USP31: variants seen among roughly 807,000 people sequenced by gnomAD.
USP31 encodes the protein ubiquitin specific peptidase 31, also known as ubiquitin carboxyl-terminal hydrolase 31.
A neutral mutation model predicts 119.4 loss-of-function variants in USP31; 44 were observed. The observed-to-expected ratio is 0.37, with a 90% CI of 0.29 to 0.47. The LOEUF is 0.47. USP31 is among the 20% of genes least tolerant of loss of function. The pLI is 0.99. For synonymous variants in USP31, 749 were observed against 705.6 expected (o/e 1.06, Z -0.97); for missense variants, 1,643 against 1,730.2 (o/e 0.95, Z 0.89).
chr16:23,069,108 G>A lies in USP31; in HGVS notation c.2997C>T (p.Asp999=). 6.2e-7 allele frequency: 1 copy of A among 1,612,992 alleles called. No individual in the cohort carries two copies. Among genetic ancestry groups the A allele is most frequent in the Non-Finnish European group, 8.5e-7 (1 of 1,180,030 alleles). ...CTTTCACCTCTTTGACTGGAGAGCTGTCTACGGAGTCGCTCTGATCCACAT... is the reference window on the plus strand; with the variant it reads ...CTTTCACCTCTTTGACTGGAGAGCTATCTACGGAGTCGCTCTGATCCACAT... ...IAYVDQSDSV[D]SSPVKEVKAP... Residue 999 remains aspartate, a synonymous_variant, in exon 16 of 16, where the codon GAC becomes GAT. Transcript: ENST00000219689.
At chr16:23,130,973 C>T (rs1446212609) in intron 1 of USP31, among the ~76,000 whole-genome samples, 1 of 152,110 alleles carries the variant, frequency 6.6e-6, no homozygotes, top group African/African-American at 2.4e-5. Context: ...TCTTAACGGA[C>T]CTGCATTCTC....
chr16:23,108,362 C>A (rs1902193759), intron 1 of USP31, among the ~76,000 whole-genome samples, 179 bp from the exon 2 acceptor site: 1 of 152,078 alleles, frequency 6.6e-6, no homozygotes, highest in Admixed American at 6.5e-5. Context: ...AAACATGTAC[C>A]AGAACCCTTA....
chr16:23,141,940 A>G (rs1903364829), intron 1 of USP31, among the ~76,000 whole-genome samples: 1 of 152,150 alleles, frequency 6.6e-6, no homozygotes, highest in South Asian at 2.1e-4. Flanking sequence ...ACTTTCATAC[A>G]CAATGATCTC....
intron 6 of USP31, among the ~76,000 whole-genome samples, chr16:23,092,772 T>A (rs1901425383): frequency 2.6e-5 from 4 of 152,056 alleles, no homozygotes. Context: ...CAGAGAAAAC[T>A]GAATTGTAAG....
chr16:23,080,256 C>T, intron 12 of USP31, 85 bp from the exon 13 acceptor site: 1 of 1,211,684 alleles, frequency 8.3e-7, no homozygotes. Context: ...TGGATCCTAT[C>T]AGACAAAGCG....
rs372523002 is a variant in USP31, at chr16:23,068,958, C to T, written c.3147G>A (p.Gln1049=). 1 of 1,614,180 alleles carries T rather than the reference C, an allele frequency of 6.2e-7. No homozygotes were observed. The highest frequency in any genetic ancestry group is 1.1e-5 in the South Asian group (1 of 91,080). Reference sequence around the variant, plus strand: ...GGGATGTACTTGAAAGGGATGACTCCTGGCTTGCCAAGGCTGGTCTCCCCT... The same window carrying T: ...GGGATGTACTTGAAAGGGATGACTCTTGGCTTGCCAAGGCTGGTCTCCCCT... ...LRKGRPALAS[Q]ESSLSSTSPS... is the part of the protein sequence containing the mutation. Residue 1049 remains glutamine, a synonymous_variant, in exon 16 of 16, where the codon CAG becomes CAA. Transcript: ENST00000219689.
chr16:23,141,293 C>T (rs780584380), intron 1 of USP31, among the ~76,000 whole-genome samples: 11 of 152,328 alleles, frequency 7.2e-5, no homozygotes, highest in Middle Eastern at 3.4e-3. Flanking sequence ...CCAACTATAG[C>T]GCCTTCTGCA....
chr16:23,131,880 C>T (rs191452510), intron 1 of USP31, among the ~76,000 whole-genome samples: 5 of 152,168 alleles, frequency 3.3e-5, no homozygotes, highest in Admixed American at 3.3e-4. Context: ...AAAACATATA[C>T]TGAGCTAGTG....
At chr16:23,146,195 T>C (rs1231409916) in intron 1 of USP31, among the ~76,000 whole-genome samples, 2 of 133,730 alleles carry the variant, frequency 1.5e-5, no homozygotes, top group African/African-American at 5.7e-5. Context: ...ACAAATGCTG[T>C]GGCTACTTAC....
chr16:23,079,908 C>T, intron 13 of USP31, 38 bp downstream of exon 13: 1 of 1,523,782 alleles, frequency 6.6e-7, no homozygotes, highest in Non-Finnish European at 8.8e-7. Context: ...GTCTGAAGGA[C>T]TCGCCAGCAC....
chr16:23,113,450 C>A (rs1390960476), intron 1 of USP31, among the ~76,000 whole-genome samples: 2 of 152,010 alleles, frequency 1.3e-5, no homozygotes, highest in Non-Finnish European at 2.9e-5. Flanking sequence ...GAGGTGGCAG[C>A]CAGGAGAGAG....
At chr16:23,141,259 T>C (rs1236011670) in intron 1 of USP31, among the ~76,000 whole-genome samples, 3 of 152,300 alleles carry the variant, frequency 2.0e-5, no homozygotes, top group Non-Finnish European at 4.4e-5. Context: ...TCTGTCAGAC[T>C]TTCAAGTGTA....
intron 5 of USP31, among the ~76,000 whole-genome samples, chr16:23,103,125 G>A (rs561666316): frequency 6.6e-6 from 1 of 152,112 alleles, no homozygotes; most frequent in South Asian, 2.1e-4. Flanking sequence ...AAGAGAACCA[G>A]GAGATCATAA....
rs151166366 is a variant in USP31 at position 23,063,793 on chromosome 16, T to C, written c.*4253A>G. The stretch of plus-strand genomic sequence containing the variant: ...ATGTTTTATTGTTTGCTTGCATAGG[T>C]AGTAAGAGCATGCTTTCTGAGTTAT... On this transcript the variant is annotated 3_prime_UTR_variant, in exon 16 of 16. Coordinates refer to ENST00000219689, the MANE Select transcript of USP31 (RefSeq NM_020718.4). 6 of 152,176 alleles carry C rather than the reference T, an allele frequency of 3.9e-5. No individual in the cohort carries two copies. The highest frequency in any genetic ancestry group is 1.4e-4 in the African/African-American group (6 of 41,536). The allele number at this position is 152,176 out of a possible 1,614,324, so 9.4% of individuals were successfully genotyped here. A position where few individuals can be genotyped will look rare whatever the true frequency, so the allele number is the denominator to read the frequency against.
chr16:23,083,849 T>C (rs1372249432), intron 11 of USP31, among the ~76,000 whole-genome samples: 3 of 152,104 alleles, frequency 2.0e-5, no homozygotes, highest in African/African-American at 7.2e-5. Context: ...AAAAATAATA[T>C]TAGGACTTCT....
rs572046722 is a variant in USP31 at position 23,143,085 on chromosome 16, T to A, written c.633+5553A>T. ...CTCTTATACAAGTTTATTCCTTTTG[T>A]GACTTGAGAATTCTCACTAATAAAT... On this transcript the variant is annotated intron_variant, in intron 1 of 15. Coordinates refer to ENST00000219689, the MANE Select transcript of USP31 (RefSeq NM_020718.4). Among the ~76,000 whole-genome samples the A allele has an allele frequency of 9.8e-5, 15 of 152,304 alleles. No individual in the cohort carries two copies. The South Asian group carries it at 3.1e-3, about 32-fold the overall frequency.
intron 1 of USP31, among the ~76,000 whole-genome samples, chr16:23,128,979 T>C (rs1458933200): frequency 2.0e-5 from 3 of 152,234 alleles, no homozygotes; most frequent in African/African-American, 7.2e-5. Context: ...AGAGTAAGCA[T>C]TTAGAAGTAT....
intron 1 of USP31, among the ~76,000 whole-genome samples, chr16:23,137,553 T>C (rs551218199): frequency 1.9e-4 from 28 of 150,942 alleles, no homozygotes; most frequent in Admixed American, 1.6e-3. Flanking sequence ...ACTTATTCTG[T>C]CCTCTTCCTT....
chr16:23,071,472 GAAAA>G (rs59039583), intron 15 of USP31, among the ~76,000 whole-genome samples: 10 of 135,882 alleles, frequency 7.4e-5, no homozygotes, highest in African/African-American at 2.8e-4. Context: ...AGTTTAAAAA[GAAAA>G]AAAAAAAAAA....
Sources: gnomAD v4.1 joint callset for allele counts (sites outside exome capture counted in the v4.1 genomes callset) on GRCh38, gnomAD v4.1.1 for gene constraint, MANE v1.5 for transcripts, NCBI Gene and HGNC (gene_info 2026-07-23, HGNC 2026-07-21) for gene names.